The following BTBD8 variants were observed in gnomAD, a reference collection of about 807,000 sequenced individuals.
BTBD8 encodes the protein BTB domain containing 8, also known as BTB/POZ domain-containing protein 8.
Under a neutral mutation model 162.9 loss-of-function variants are expected in BTBD8, and 110 were observed. That is an observed-to-expected ratio of 0.68 (90% CI 0.58 to 0.79). BTBD8 has a LOEUF of 0.79. BTBD8 is among the 30% of genes least tolerant of loss of function. The pLI is 0.00. For synonymous variants in BTBD8, 667 were observed against 716.1 expected, an observed-to-expected ratio of 0.93 and a Z score of 1.10; for missense variants, 1,905 against 2,085.4, an observed-to-expected ratio of 0.91 and a Z score of 1.68.
rs1184722142 is a variant in BTBD8 at position 92,182,283 on chromosome 1, GA to G, written c.4607del (p.Lys1536ArgfsTer4). Reference protein sequence around the residue: ...RKNKQSVSATEKKNTIDVLSS... With the variant: ...RKNKQSVSATXKKNTIDVLSS... ...AAATAAACAGAGTGTTTCAGCCACAGAAAAAAAGAACACAATAGACGTCCTA... is the reference window on the plus strand; with the variant it reads ...AAATAAACAGAGTGTTTCAGCCACAGAAAAAAGAACACAATAGACGTCCTA... On this transcript the variant is annotated frameshift_variant, in exon 17 of 18. Coordinates refer to ENST00000636805, the MANE Select transcript of BTBD8 (RefSeq NM_001376131.1). LOFTEE classifies it high-confidence loss of function. The G allele has an allele frequency of 6.4e-7, 1 of 1,551,134 alleles. No individual in the cohort carries two copies. Among genetic ancestry groups the G allele is most frequent in the Non-Finnish European group, 8.7e-7 (1 of 1,146,836 alleles).
chr1:92,184,410 C>A lies in BTBD8; in HGVS notation c.*80C>A. On this transcript the variant is annotated 3_prime_UTR_variant, in exon 18 of 18. Coordinates refer to ENST00000636805, the MANE Select transcript of BTBD8 (RefSeq NM_001376131.1). ...TATATCCAAATGATAATTGCATTAG[C>A]CGGATATAAACTTTCTTTAATATTG... 1 of 869,308 alleles carries A rather than the reference C, an allele frequency of 1.2e-6. No individual in the cohort carries two copies. Among genetic ancestry groups the A allele is most frequent in the Non-Finnish European group, 1.7e-6 (1 of 578,108 alleles). 53.8% of individuals were successfully genotyped at this position (869,308 alleles called of 1,614,324 possible). A position where few individuals can be genotyped will look rare whatever the true frequency, so the allele number is the denominator to read the frequency against.
intron 4 of BTBD8, 104 bp downstream of exon 4, chr1:92,108,105 AG>A (rs1437011581): frequency 2.8e-6 from 3 of 1,084,974 alleles, no homozygotes; most frequent in Non-Finnish European, 4.2e-6. Flanking sequence ...GTTTTCACAC[AG>A]GCCACAGGGG....
intron 9 of BTBD8, among the ~76,000 whole-genome samples, chr1:92,153,136 T>A (rs76579650): frequency 8.9e-5 from 13 of 145,448 alleles, no homozygotes; most frequent in African/African-American, 2.3e-4. Flanking sequence ...GTGTTTTTTT[T>A]AAATAGTTCA....
intron 9 of BTBD8, among the ~76,000 whole-genome samples, chr1:92,161,129 A>G (rs1650264323): frequency 6.6e-6 from 1 of 152,166 alleles, no homozygotes; most frequent in South Asian, 2.1e-4. Flanking sequence ...GCTCATCCTC[A>G]GTGCAGGAGC....
At chr1:92,116,131 A>C (rs189498085) in intron 4 of BTBD8, among the ~76,000 whole-genome samples, 1 of 151,962 alleles carries the variant, frequency 6.6e-6, no homozygotes, top group Non-Finnish European at 1.5e-5. Flanking sequence ...TTTAATTTCA[A>C]CTGTTTGGGA....
At position 92,102,633 on chromosome 1, in the gene BTBD8, G is replaced by C. The variant is rs760067413; in HGVS notation, c.508G>C (p.Asp170His). 4.6e-6 allele frequency: 7 copies of C among 1,520,248 alleles called. No individual in the cohort carries two copies. The South Asian group carries it at 9.5e-5, about 21-fold the overall frequency. The allele number at this position is 1,520,248 out of a possible 1,614,324, so 94.2% of individuals were successfully genotyped here. The change falls in exon 3 of 18, where the codon GAT becomes CAT. Residue 170 changes from aspartate (D) to histidine (H), a missense_variant. Asp to His is a moderately conservative substitution (Grantham distance 81). Around this residue, in one of 3 missense-constraint regions of BTBD8, gnomAD observed 1,374 missense variants for 1,442.7 expected, o/e 0.95. Coordinates refer to ENST00000636805, the MANE Select transcript of BTBD8 (RefSeq NM_001376131.1). Reference protein sequence around the residue: ...CSLQKHEIPEDISDRDDDFIS... With the variant: ...CSLQKHEIPEHISDRDDDFIS... ...TCTTCAGAAGCATGAAATTCCAGAG[G>C]ATATCAGTGACAGAGATGATGATTT...
chr1:92,117,339 A>C (rs1449582809), intron 4 of BTBD8, among the ~76,000 whole-genome samples: 1 of 117,916 alleles, frequency 8.5e-6, no homozygotes, highest in East Asian at 3.7e-4. Context: ...TTTTTCTTGA[A>C]AAAGATTATT....
intron 4 of BTBD8, among the ~76,000 whole-genome samples, chr1:92,119,632 CTT>C (rs147430647): frequency 2.1e-5 from 3 of 141,940 alleles, no homozygotes. Context: ...TTTCTTTTTT[CTT>C]TTTTTTTTTT....
In BTBD8 at chr1:92,167,116, T is replaced by G. The variant is rs1258494044; in HGVS notation, c.1281T>G (p.Ser427Arg). ...IVDNFSKIIQ[S>R]ENFALLLQSQ... ...ACAACTTCTCCAAGATTATTCAGAG[T>G]GAAAATTTTGCTCTTCTTTTACAGG... is the stretch of plus-strand genomic sequence containing the variant. Residue 427 changes from serine to arginine, a missense_variant, in exon 10 of 18, where the codon AGT (serine) becomes AGG (arginine). Ser to Arg is a moderately radical substitution (Grantham distance 110). This residue lies in a region of BTBD8 where 1,374 missense variants were observed against 1,442.7 expected (regional missense o/e 0.95). Transcript: ENST00000636805. The G allele has an allele frequency of 1.9e-6, 3 of 1,550,476 alleles. No individual in the cohort carries two copies. The highest frequency in any genetic ancestry group is 2.4e-5 in the South Asian group (2 of 84,050).
chr1:92,142,259 C>T (rs777112094), intron 7 of BTBD8, among the ~76,000 whole-genome samples: 9 of 152,176 alleles, frequency 5.9e-5, no homozygotes, highest in Non-Finnish European at 1.3e-4. Context: ...CTTCCTTCTT[C>T]ATATGTCTCC....
In BTBD8 at chr1:92,182,536, GT is replaced by G; in HGVS notation, c.4854del (p.Pro1619GlnfsTer2). On this transcript the variant is annotated frameshift_variant, in exon 17 of 18. Transcript: ENST00000636805. LOFTEE classifies it high-confidence loss of function. ...SFRSQVLPQE[G>X]PVKESHSTTT... ...CGGAGTCAAGTTCTGCCTCAGGAAG[GT>G]CCAGTGAAAGAGAGCCATTCTACAA... 1 of 1,537,878 alleles carries G rather than the reference GT, an allele frequency of 6.5e-7. No homozygotes were observed. The highest frequency in any genetic ancestry group is 8.7e-7 in the Non-Finnish European group (1 of 1,143,506).
At chr1:92,129,524 T>C (rs1649456218) in intron 4 of BTBD8, among the ~76,000 whole-genome samples, 163 bp from the exon 5 acceptor site, 1 of 151,930 alleles carries the variant, frequency 6.6e-6, no homozygotes, top group Non-Finnish European at 1.5e-5. Context: ...TAGGTATAAA[T>C]ATAAGCTTAT....
At chr1:92,177,924 CTA>C (rs1292397664) in intron 15 of BTBD8, 26 bp downstream of exon 15, 1 of 1,191,090 alleles carries the variant, frequency 8.4e-7, no homozygotes, top group African/African-American at 1.5e-5. Context: ...GTGTTTTAAC[CTA>C]TCTGTTAGCT....
At chr1:92,172,724 A>G (rs1017862786) in intron 13 of BTBD8, among the ~76,000 whole-genome samples, 14 of 152,344 alleles carry the variant, frequency 9.2e-5, no homozygotes, top group African/African-American at 3.1e-4. Flanking sequence ...GCCAGTTGAT[A>G]GGAACTAATG....
intron 2 of BTBD8, among the ~76,000 whole-genome samples, chr1:92,097,706 G>A (rs980388172): frequency 3.9e-5 from 6 of 152,088 alleles, no homozygotes; most frequent in African/African-American, 9.7e-5. Context: ...GTTGTGACAC[G>A]TATCAATACT....
chr1:92,083,712 A>G (rs1010394779), intron 1 of BTBD8, among the ~76,000 whole-genome samples: 32 of 152,166 alleles, frequency 2.1e-4, no homozygotes, highest in Non-Finnish European at 4.6e-4. Flanking sequence ...CACATTTTGA[A>G]TCTGGAATTT....
intron 4 of BTBD8, among the ~76,000 whole-genome samples, chr1:92,129,041 AAT>A (rs1344709463): frequency 6.6e-6 from 1 of 152,038 alleles, no homozygotes; most frequent in Non-Finnish European, 1.5e-5. Context: ...AAAATTTTTA[AAT>A]TTCCAAAATA....
intron 4 of BTBD8, among the ~76,000 whole-genome samples, chr1:92,119,896 T>C (rs1419674232): frequency 1.2e-4 from 4 of 33,128 alleles, no homozygotes; most frequent in African/African-American, 8.5e-4. Context: ...CCCTTTTCTT[T>C]TTTTTTTTTT....
chr1:92,124,102 C>G (rs562171256), intron 4 of BTBD8, among the ~76,000 whole-genome samples: 6 of 152,324 alleles, frequency 3.9e-5, no homozygotes, highest in Non-Finnish European at 7.3e-5. Context: ...AGCTTCTCAG[C>G]CTTCCAGCTG....
Sources: allele counts gnomAD v4.1 joint callset (sites outside exome capture counted in the v4.1 genomes callset), GRCh38; gene constraint gnomAD v4.1.1; regional missense constraint gnomAD v4.1.1; transcripts MANE v1.5; gene names NCBI Gene and HGNC (gene_info 2026-07-23, HGNC 2026-07-21).